KCNH7: variants seen among roughly 807,000 people sequenced by gnomAD.
The protein encoded by KCNH7 is voltage-gated inwardly rectifying potassium channel KCNH7.
Under a neutral mutation model 120.8 loss-of-function variants are expected in KCNH7, and 49 were observed. The observed-to-expected ratio is 0.41, with a 90% confidence interval of 0.32 to 0.51. The LOEUF is 0.51. KCNH7 is among the 20% of genes least tolerant of loss of function. KCNH7 has a pLI of 0.38. For synonymous variants in KCNH7, 547 were observed against 516.1 expected, an observed-to-expected ratio of 1.06 and a Z score of -0.81; for missense variants, 1,097 against 1,446.6, an observed-to-expected ratio of 0.76 and a Z score of 3.92.
rs370772173 is a variant in KCNH7, at chr2:162,384,754, C to T, written c.2896G>A (p.Asp966Asn). Residue 966 changes from aspartate to asparagine, a missense_variant, in exon 13 of 16, where the codon GAT (aspartate) becomes AAT (asparagine). Coordinates refer to ENST00000332142, the MANE Select transcript of KCNH7 (RefSeq NM_033272.4). The part of the protein sequence containing the change: ...SPGIGKASGL[D>N]FEETVPTSGR... ...GAGGTGGGCACTGTTTCTTCAAAAT[C>T]GAGCCCAGATGCTTTCCCTATTCCT... is the stretch of plus-strand genomic sequence containing the variant. 15 of 1,612,498 alleles carry T rather than the reference C, an allele frequency of 9.3e-6. No homozygotes were observed. Among genetic ancestry groups the T allele is most frequent in the East Asian group, 2.2e-5 (1 of 44,814 alleles).
intron 2 of KCNH7, among the ~76,000 whole-genome samples, chr2:162,804,588 A>C (rs965800286): frequency 6.6e-6 from 1 of 152,052 alleles, no homozygotes; most frequent in African/African-American, 2.4e-5. Flanking sequence ...CTGCTGAAAG[A>C]ATTCATAGAT....
chr2:162,736,957 TTCATAG>T (rs1345257070), intron 2 of KCNH7, among the ~76,000 whole-genome samples: 1 of 152,118 alleles, frequency 6.6e-6, no homozygotes, highest in African/African-American at 2.4e-5. Context: ...CCCAATTATA[TTCATAG>T]ATCGAGGCAC....
At chr2:162,402,214 C>T (rs1431159740) in intron 9 of KCNH7, among the ~76,000 whole-genome samples, 1 of 150,830 alleles carries the variant, frequency 6.6e-6, no homozygotes, top group Non-Finnish European at 1.5e-5. Flanking sequence ...GTCCTGGAGG[C>T]CCTTTCTACT....
intron 9 of KCNH7, 22 bp from the exon 10 acceptor site, chr2:162,400,463 T>C: frequency 1.9e-6 from 3 of 1,609,696 alleles, no homozygotes; most frequent in African/African-American, 1.3e-5. Flanking sequence ...AAGAAAGAGT[T>C]TCATACTACC....
chr2:162,603,090 G>A (rs951368060), intron 2 of KCNH7, among the ~76,000 whole-genome samples: 3 of 151,860 alleles, frequency 2.0e-5, no homozygotes, highest in Admixed American at 6.6e-5. Context: ...ATTACGAGTT[G>A]GAGATTGAGT....
intron 2 of KCNH7, among the ~76,000 whole-genome samples, chr2:162,739,994 C>A (rs1171595145): frequency 6.6e-6 from 1 of 152,096 alleles, no homozygotes; most frequent in African/African-American, 2.4e-5. Context: ...CCAAGTAGTT[C>A]ACAGACCAGT....
At position 162,749,413 on chromosome 2, in the gene KCNH7, GATCAAAATAA is replaced by G. The variant is rs558683492; in HGVS notation, c.307+87114_307+87123del. Among the ~76,000 whole-genome samples, 132 of 152,192 alleles carry G rather than the reference GATCAAAATAA, an allele frequency of 8.7e-4. 5 individuals carry two copies. In the South Asian group the frequency reaches 0.026, roughly 30 times the overall value. On this transcript the variant is annotated intron_variant, in intron 2 of 15. Transcript: ENST00000332142. ...CTCTAGATTCACAGAATACATTAGT[GATCAAAATAA>G]ACAAAAATCTCTGCTCTTGTGGGGC... is the stretch of plus-strand genomic sequence containing the variant.
At position 162,499,325 on chromosome 2, in the gene KCNH7, G is replaced by A. The variant is rs527691291; in HGVS notation, c.1128+5118C>T. Among the ~76,000 whole-genome samples the A allele has an allele frequency of 1.6e-4, 25 of 152,020 alleles. No homozygotes were observed. In the South Asian group the frequency reaches 1.9e-3, roughly 11 times the overall value. On this transcript the variant is annotated intron_variant, in intron 6 of 15. Coordinates refer to ENST00000332142, the MANE Select transcript of KCNH7 (RefSeq NM_033272.4). ...AAAGGAGACCTTACCTTTGTTCTCC[G>A]CCCAAATTTTCTTACAATTCATTGT...
At chr2:162,608,182 C>G (rs1326339902) in intron 2 of KCNH7, among the ~76,000 whole-genome samples, 2 of 152,180 alleles carry the variant, frequency 1.3e-5, no homozygotes, top group African/African-American at 4.8e-5. Flanking sequence ...TATCCACACA[C>G]AGGGCACAAC....
intron 8 of KCNH7, among the ~76,000 whole-genome samples, chr2:162,424,452 T>C (rs1474810163): frequency 6.6e-6 from 1 of 152,214 alleles, no homozygotes; most frequent in Admixed American, 6.5e-5. Context: ...ATATATATTC[T>C]GAATATTGAT....
At chr2:162,684,497 T>G (rs1476444866) in intron 2 of KCNH7, among the ~76,000 whole-genome samples, 1 of 151,810 alleles carries the variant, frequency 6.6e-6, no homozygotes, top group African/African-American at 2.4e-5. Flanking sequence ...TTAAACAAAT[T>G]TACAAGAAAA....
chr2:162,581,122 G>A (rs183082883), intron 2 of KCNH7, among the ~76,000 whole-genome samples: 5 of 152,098 alleles, frequency 3.3e-5, no homozygotes, highest in East Asian at 1.9e-4. Flanking sequence ...CAGGCTTCAC[G>A]CAACTGAAAT....
chr2:162,623,265 T>C (rs1282896072), intron 2 of KCNH7, among the ~76,000 whole-genome samples: 1 of 152,178 alleles, frequency 6.6e-6, no homozygotes, highest in Non-Finnish European at 1.5e-5. Flanking sequence ...GCTTTAAGCA[T>C]TTCTAAAATG....
intron 2 of KCNH7, among the ~76,000 whole-genome samples, chr2:162,805,581 CA>C (rs1684510177): frequency 6.6e-6 from 1 of 151,912 alleles, no homozygotes; most frequent in African/African-American, 2.4e-5. Flanking sequence ...AGTCAAAAAA[CA>C]ATAGATGTTG....
At chr2:162,395,322 A>T (rs1686879786) in intron 11 of KCNH7, among the ~76,000 whole-genome samples, 1 of 151,820 alleles carries the variant, frequency 6.6e-6, no homozygotes, top group Non-Finnish European at 1.5e-5. Context: ...TAAAATAGTT[A>T]AAATTAGCTA....
chr2:162,747,918 G>A (rs377447863), intron 2 of KCNH7, among the ~76,000 whole-genome samples: 1 of 152,134 alleles, frequency 6.6e-6, no homozygotes, highest in Admixed American at 6.5e-5. Context: ...CCTTCACTAC[G>A]AGCAAATACT....
intron 2 of KCNH7, among the ~76,000 whole-genome samples, chr2:162,815,052 T>C (rs1684871157): frequency 6.6e-6 from 1 of 152,192 alleles, no homozygotes; most frequent in Admixed American, 6.5e-5. Flanking sequence ...CCCCAATAAC[T>C]AAGTAACAAA....
At chr2:162,614,084 G>C (rs1459895869) in intron 2 of KCNH7, among the ~76,000 whole-genome samples, 2 of 151,954 alleles carry the variant, frequency 1.3e-5, no homozygotes, top group African/African-American at 2.4e-5. Context: ...ATAACTTAAA[G>C]ATTAACTTGT....
intron 2 of KCNH7, chr2:162,772,087 G>C (rs1042984529): frequency 1.1e-4 from 16 of 152,058 alleles, no homozygotes; most frequent in Admixed American, 7.2e-4. Flanking sequence ...TGCTGAATCT[G>C]TTCTACCTCC....
Sources: allele counts gnomAD v4.1 joint callset (sites outside exome capture counted in the v4.1 genomes callset), GRCh38; gene constraint gnomAD v4.1.1; transcripts MANE v1.5; gene names NCBI Gene and HGNC (gene_info 2026-07-23, HGNC 2026-07-21).